Variants in PPP2R2C observed in about 807,000 individuals in gnomAD.
PPP2R2C encodes protein phosphatase 2, regulatory subunit B, gamma.
PPP2R2C carries 10 observed loss-of-function variants against 45.3 expected under a neutral mutation model. That is an observed-to-expected ratio of 0.22 (90% CI 0.14 to 0.37). PPP2R2C has a LOEUF of 0.37. PPP2R2C is among the 10% of genes least tolerant of loss of function. The pLI, the probability that PPP2R2C is intolerant of heterozygous loss-of-function variation, is 1.00. For missense variants in PPP2R2C, 308 were observed against 619.7 expected (o/e 0.50, Z 5.34); for synonymous variants, 257 against 245.4 (o/e 1.05, Z -0.44).
rs1185838225 is a variant in PPP2R2C, at chr4:6,327,294, G to A, written c.1052+1968C>T. Among the ~76,000 whole-genome samples, 9 of 152,324 alleles carry A rather than the reference G, an allele frequency of 5.9e-5. No individual in the cohort carries two copies. The South Asian group carries it at 1.9e-3, about 32-fold the overall frequency. On this transcript the variant is annotated intron_variant, in intron 8 of 8. Transcript: ENST00000382599. ...GGAGCGAGAGACAGTGAGGCGGGTG[G>A]GGGACCACTAGGACAGGGCGTGGCT...
At chr4:6,464,491 T>C (rs780152102) in intron 1 of PPP2R2C, among the ~76,000 whole-genome samples, 3 of 152,206 alleles carry the variant, frequency 2.0e-5, no homozygotes, top group Non-Finnish European at 2.9e-5. Flanking sequence ...CAACTTTGTA[T>C]GTCTAGAATC....
In PPP2R2C at chr4:6,321,387, T is replaced by C. The variant is rs558265049; in HGVS notation, c.*1915A>G. The stretch of plus-strand genomic sequence containing the variant: ...AAGGGGGAAAAAAGTAATCCAATCC[T>C]TTGATTGTTAAATTTAATTAGAATA... On this transcript the variant is annotated 3_prime_UTR_variant, in exon 9 of 9. Coordinates refer to ENST00000382599, the MANE Select transcript of PPP2R2C (RefSeq NM_020416.4). 1.5e-3 allele frequency: 234 copies of C among 152,704 alleles called. No individual in the cohort carries two copies. Among genetic ancestry groups the C allele is most frequent in the African/African-American group, 4.9e-3 (202 of 41,574 alleles). 9.5% of individuals were successfully genotyped at this position (152,704 alleles called of 1,614,324 possible).
intron 1 of PPP2R2C, chr4:6,383,693 T>G (rs1302995706): frequency 1.6e-6 from 1 of 640,128 alleles, no homozygotes; most frequent in African/African-American, 2.0e-5. Flanking sequence ...TAATCTGATG[T>G]TTTTCTTTCT....
rs1733565848 is a variant in PPP2R2C, at chr4:6,342,913, C to G, written c.790+4933G>C. ...TCATCTGTCCAATGGCAGAAATGCT[C>G]ACCTTCCTGCATCCAGGACGCTCTT... On this transcript the variant is annotated intron_variant, in intron 6 of 8. Transcript: ENST00000382599. Among the ~76,000 whole-genome samples, 3 of 152,008 alleles carry G rather than the reference C, an allele frequency of 2.0e-5. No individual in the cohort carries two copies. In the South Asian group the frequency reaches 6.2e-4, roughly 32 times the overall value.
intron 1 of PPP2R2C, among the ~76,000 whole-genome samples, chr4:6,456,572 A>G (rs1308643772): frequency 2.0e-5 from 3 of 152,068 alleles, no homozygotes; most frequent in Non-Finnish European, 4.4e-5. Flanking sequence ...TAGGAACCAC[A>G]TCATTCAGCC....
chr4:6,465,111 G>T (rs991170688), intron 1 of PPP2R2C, among the ~76,000 whole-genome samples: 39 of 151,946 alleles, frequency 2.6e-4, no homozygotes, highest in African/African-American at 9.4e-4. Context: ...CTGGGACTTG[G>T]GATTACACAG....
chr4:6,346,367 A>G (rs1711923862), intron 6 of PPP2R2C, among the ~76,000 whole-genome samples: 1 of 152,094 alleles, frequency 6.6e-6, no homozygotes, highest in Non-Finnish European at 1.5e-5. Context: ...ATTCTTCCCC[A>G]GAGATCGGCA....
chr4:6,400,452 T>C (rs754458833), intron 1 of PPP2R2C, among the ~76,000 whole-genome samples: 1 of 152,264 alleles, frequency 6.6e-6, no homozygotes. Flanking sequence ...AATTTCAAAG[T>C]TGGCAAATAT....
At chr4:6,461,148 C>T (rs1293031661) in intron 1 of PPP2R2C, among the ~76,000 whole-genome samples, 2 of 152,192 alleles carry the variant, frequency 1.3e-5, no homozygotes, top group Admixed American at 6.5e-5. Flanking sequence ...CCCAGGAAGG[C>T]GTCCCTGACC....
intron 1 of PPP2R2C, among the ~76,000 whole-genome samples, chr4:6,416,748 C>A (rs1718610551): frequency 6.6e-6 from 1 of 152,228 alleles, no homozygotes; most frequent in African/African-American, 2.4e-5. Flanking sequence ...GATCCTTCCA[C>A]TTCGGGAACC....
At chr4:6,494,427 C>T (rs931372469) in intron 2 of PPP2R2C, among the ~76,000 whole-genome samples, 5 of 152,224 alleles carry the variant, frequency 3.3e-5, no homozygotes, top group Non-Finnish European at 5.9e-5. Context: ...AGGAACACAG[C>T]ACCTCCCGCA....
At chr4:6,437,192 A>G (rs10027223) in intron 1 of PPP2R2C, among the ~76,000 whole-genome samples, 8,222 of 152,250 alleles carry the variant, frequency 0.054, 746 homozygotes, top group African/African-American at 0.19. Flanking sequence ...GCTCACTGAT[A>G]TGACCTTCCT....
chr4:6,416,625 C>T (rs1355403081), intron 1 of PPP2R2C, among the ~76,000 whole-genome samples: 1 of 152,236 alleles, frequency 6.6e-6, no homozygotes, highest in African/African-American at 2.4e-5. Context: ...CCCTGCTCCC[C>T]TCCCCCATCC....
At position 6,535,454 on chromosome 4, in the gene PPP2R2C, A is replaced by T. The variant is rs1451817822; in HGVS notation, c.-58-77T>A. 3.0e-6 allele frequency: 3 copies of T among 991,550 alleles called. No individual in the cohort carries two copies. The African/African-American group carries it at 5.0e-5, about 16-fold the overall frequency. The allele number at this position is 991,550 out of a possible 1,614,324, so 61.4% of individuals were successfully genotyped here. A position where few individuals can be genotyped will look rare whatever the true frequency, so the allele number is the denominator to read the frequency against. On this transcript the variant is annotated intron_variant, in intron 1 of 9. Transcript: ENST00000506140. ...TGCACGCCGCCACACACCACATGCA[A>T]CGCGAGCACCGCCACCCACGGCCGC...
chr4:6,486,256 A>G (rs1296376638), intron 2 of PPP2R2C, among the ~76,000 whole-genome samples: 1 of 151,952 alleles, frequency 6.6e-6, no homozygotes, highest in Non-Finnish European at 1.5e-5. Flanking sequence ...TTGTGACTTG[A>G]GTCCCTTTAC....
chr4:6,333,793 C>T (rs1732616933), intron 6 of PPP2R2C, 62 bp from the exon 7 acceptor site: 16 of 1,579,368 alleles, frequency 1.0e-5, no homozygotes, highest in Middle Eastern at 1.7e-4. Flanking sequence ...GTTGGCACGA[C>T]GGATGACTCT....
intron 5 of PPP2R2C, among the ~76,000 whole-genome samples, 200 bp from the exon 6 acceptor site, chr4:6,348,210 G>T (rs755059008): frequency 5.3e-5 from 8 of 151,558 alleles, no homozygotes; most frequent in Non-Finnish European, 7.4e-5. Flanking sequence ...CCCCTTCTAG[G>T]TGCCTGTCCC....
At chr4:6,398,016 T>C (rs1717162619) in intron 1 of PPP2R2C, among the ~76,000 whole-genome samples, 1 of 152,198 alleles carries the variant, frequency 6.6e-6, no homozygotes, top group African/African-American at 2.4e-5. Flanking sequence ...ACTCAGATTG[T>C]CATCAAAGGC....
intron 1 of PPP2R2C, chr4:6,384,064 A>C (rs1302572273): frequency 2.0e-6 from 2 of 985,464 alleles, no homozygotes; most frequent in East Asian, 1.1e-4. Flanking sequence ...GGGAACACGG[A>C]AACGCCCACC....
Sources: gnomAD v4.1 joint callset for allele counts (sites outside exome capture counted in the v4.1 genomes callset) on GRCh38, gnomAD v4.1.1 for gene constraint, MANE v1.5 for transcripts, NCBI Gene and HGNC (gene_info 2026-07-23, HGNC 2026-07-21) for gene names.